Variants in PCDH19 observed in about 807,000 individuals in gnomAD.
PCDH19 encodes the protein protocadherin-19.
PCDH19 carries 6 observed loss-of-function variants against 46.2 expected under a neutral mutation model. The observed-to-expected ratio is 0.13, with a 90% CI of 0.07 to 0.26. The LOEUF (loss-of-function observed/expected upper bound fraction) is 0.26, where lower values mean the gene tolerates loss of function less well. PCDH19 is among the 10% of genes least tolerant of loss of function. The pLI is 1.00. For missense variants in PCDH19, 740 were observed against 972.3 expected, an observed-to-expected ratio of 0.76 and a Z score of 3.18; for synonymous variants, 481 against 415.7, an observed-to-expected ratio of 1.16 and a Z score of -1.91.
Position 100,346,266 on chromosome X carries a change from A to AT in PCDH19, c.2676-4192dup, listed in dbSNP as rs1193208497. Among the ~76,000 whole-genome samples the AT allele has an allele frequency of 1.6e-3, 183 of 112,639 alleles. 4 individuals carry two copies. Among genetic ancestry groups the AT allele is most frequent in the Non-Finnish European group, 1.8e-3 (95 of 53,335 alleles). ...ATATTAGAACTCTTTTCCAAAAGACATAAGACTCAGAATGGAAACAGGTTA... is the reference window on the plus strand; with the variant it reads ...ATATTAGAACTCTTTTCCAAAAGACATTAAGACTCAGAATGGAAACAGGTTA... On this transcript the variant is annotated intron_variant, in intron 4 of 5. Transcript: ENST00000373034.
intron 5 of PCDH19, among the ~76,000 whole-genome samples, chrX:100,304,841 G>C (rs7885179): frequency 0.24 from 26,791 of 111,003 alleles, 2,770 homozygotes; most frequent in Middle Eastern, 0.48. Context: ...TCAAAGACAA[G>C]GATTTTTGAA....
chrX:100,291,832 T>C lies in PCDH19; in HGVS notation c.*4445A>G, dbSNP rs1924432431. ...ATCTTCATAAAATAGACAGTGGTGA[T>C]TCTTTTTTGTCTTTTTTCTTTTTAC... On this transcript the variant is annotated 3_prime_UTR_variant, in exon 6 of 6. Coordinates refer to ENST00000373034, the MANE Select transcript of PCDH19 (RefSeq NM_001184880.2). 1 of 112,898 alleles carries C rather than the reference T, an allele frequency of 8.9e-6. No individual in the cohort carries two copies. The highest frequency in any genetic ancestry group is 3.2e-5 in the African/African-American group (1 of 30,865). 9.3% of individuals were successfully genotyped at this position (112,898 alleles called of 1,213,427 possible).
At chrX:100,368,457 G>C (rs1382412855) in intron 3 of PCDH19, among the ~76,000 whole-genome samples, 3 of 111,819 alleles carry the variant, frequency 2.7e-5, no homozygotes, top group Admixed American at 9.5e-5. Flanking sequence ...AGCAGAGAGA[G>C]CTTTCCTTTC....
chrX:100,314,089 G>A (rs1383947176), intron 5 of PCDH19, among the ~76,000 whole-genome samples: 1 of 111,555 alleles, frequency 9.0e-6, no homozygotes, highest in Non-Finnish European at 1.9e-5. Context: ...TTCCAATATG[G>A]GAGGTCAGCA....
At chrX:100,390,141 G>A (rs947200358) in intron 3 of PCDH19, among the ~76,000 whole-genome samples, 2 of 111,702 alleles carry the variant, frequency 1.8e-5, no homozygotes, top group African/African-American at 6.5e-5. Context: ...ACTACAAGGT[G>A]AGGTACTACT....
Position 100,406,653 on chromosome X carries a change from T to A in PCDH19, c.1945A>T (p.Lys649Ter). 1 of 1,211,578 alleles carries A rather than the reference T, an allele frequency of 8.3e-7. No individual in the cohort carries two copies. Residue 649 changes from lysine to a stop codon, truncating the protein, a stop_gained, in exon 1 of 6, where the codon AAG (lysine) becomes TAG (stop). Transcript: ENST00000373034. LOFTEE classifies it high-confidence loss of function. ...ELIVVAHDHG[K>*]TSLSASALVL... Reference sequence around the variant, plus strand: ...AGAGCAGAGGCAGAGAGAGATGTCTTGCCGTGGTCGTGAGCCACCACGATA... The same window carrying A: ...AGAGCAGAGGCAGAGAGAGATGTCTAGCCGTGGTCGTGAGCCACCACGATA...
Position 100,406,591 on chromosome X carries a change from T to C in PCDH19, c.2007A>G (p.Gln669=). 8.3e-7 allele frequency: 1 copy of C among 1,210,041 alleles called. No individual in the cohort carries two copies. Among genetic ancestry groups the C allele is most frequent in the Non-Finnish European group, 1.1e-6 (1 of 894,159 alleles). The change falls in exon 1 of 6, where the codon CAA becomes CAG. Residue 669 remains glutamine, a synonymous_variant. Coordinates refer to ENST00000373034, the MANE Select transcript of PCDH19 (RefSeq NM_001184880.2). ...ACAAGTTCACAGAGCCCATTGACTC[T>C]TGGGCATCGAGAGCAGGGGACAAGT... ...LIYLSPALDA[Q]ESMGSVNLSL...
chrX:100,333,168 AGGAAGGG>A (rs1925949101), intron 5 of PCDH19, among the ~76,000 whole-genome samples: 7 of 33,811 alleles, frequency 2.1e-4, no homozygotes, highest in Admixed American at 1.6e-3. Context: ...GAAGGAAGGA[AGGAAGGG>A]AGAGAGAGAG....
chrX:100,305,116 T>C (rs1018216296), intron 5 of PCDH19, among the ~76,000 whole-genome samples: 1 of 112,030 alleles, frequency 8.9e-6, no homozygotes, highest in African/African-American at 3.2e-5. Context: ...CCTAGGCACA[T>C]AGTCATCAGG....
intron 1 of PCDH19, among the ~76,000 whole-genome samples, chrX:100,403,941 G>A (rs1368885894): frequency 2.7e-5 from 3 of 112,041 alleles, no homozygotes; most frequent in Non-Finnish European, 5.6e-5. Flanking sequence ...CAAAACAATA[G>A]GGTTAATAAG....
intron 5 of PCDH19, among the ~76,000 whole-genome samples, chrX:100,329,585 C>G (rs1463744962): frequency 1.8e-5 from 2 of 111,958 alleles, no homozygotes; most frequent in African/African-American, 3.3e-5. Context: ...CGCAGCATGT[C>G]TCCAGAATAC....
chrX:100,392,287 A>G (rs1362798882), intron 3 of PCDH19, among the ~76,000 whole-genome samples: 1 of 112,355 alleles, frequency 8.9e-6, no homozygotes, highest in Non-Finnish European at 1.9e-5. Context: ...TTCTTTTTCT[A>G]TTTCTAAAGA....
At chrX:100,336,205 T>A (rs1310702176) in intron 5 of PCDH19, among the ~76,000 whole-genome samples, 12 of 112,209 alleles carry the variant, frequency 1.1e-4, no homozygotes, top group Non-Finnish European at 1.5e-4. Context: ...ATAGTCTCCA[T>A]TGAGAACTCC....
At chrX:100,340,420 T>C (rs1260402158) in intron 5 of PCDH19, among the ~76,000 whole-genome samples, 2 of 112,396 alleles carry the variant, frequency 1.8e-5, no homozygotes, top group African/African-American at 6.5e-5. Flanking sequence ...ACTAAAACCC[T>C]TTCTTGATAT....
chrX:100,368,497 TTA>T (rs765403201), intron 3 of PCDH19, among the ~76,000 whole-genome samples: 16 of 111,536 alleles, frequency 1.4e-4, no homozygotes, highest in Non-Finnish European at 2.8e-4. Context: ...GATGTGGATT[TTA>T]TGCTTGTTTT....
At chrX:100,380,731 G>A (rs983639936) in intron 3 of PCDH19, among the ~76,000 whole-genome samples, 13 of 112,047 alleles carry the variant, frequency 1.2e-4, no homozygotes, top group Admixed American at 4.7e-4. Flanking sequence ...GAAATGTTAT[G>A]CCACAGCCTG....
Position 100,402,562 on chromosome X carries a change from G to C in PCDH19, c.2578C>G (p.Gln860Glu), listed in dbSNP as rs200765277. 7.0e-5 allele frequency: 85 copies of C among 1,210,175 alleles called. No homozygotes were observed. Among genetic ancestry groups the C allele is most frequent in the Non-Finnish European group, 9.5e-5 (85 of 895,101 alleles). ...HHSFNSQGPQQPDLIINGVPL... is the reference protein window; with the variant it reads ...HHSFNSQGPQEPDLIINGVPL... Reference sequence around the variant, plus strand: ...ACACCGTTGATAATCAGGTCAGGCTGCTGGGGCCCCTGGCTGTTGAAAGAG... The same window carrying C: ...ACACCGTTGATAATCAGGTCAGGCTCCTGGGGCCCCTGGCTGTTGAAAGAG... The change falls in exon 3 of 6, where the codon CAG (glutamine) becomes GAG (glutamate). Residue 860 changes from glutamine (Q) to glutamate (E), a missense_variant. By Grantham distance (29) the Gln-to-Glu change is conservative (BLOSUM62 2). This residue lies in a region of PCDH19 where 416 missense variants were observed against 476.8 expected (regional missense o/e 0.87). Transcript: ENST00000373034.
At chrX:100,334,768 G>GTA (rs1290515545) in intron 5 of PCDH19, among the ~76,000 whole-genome samples, 2 of 108,909 alleles carry the variant, frequency 1.8e-5, no homozygotes, top group Middle Eastern at 4.7e-3. Flanking sequence ...GTGTGTGTGT[G>GTA]TGTGTGTGTA....
chrX:100,382,308 C>T (rs2147517621), intron 3 of PCDH19, among the ~76,000 whole-genome samples: 1 of 110,702 alleles, frequency 9.0e-6, no homozygotes, highest in Non-Finnish European at 1.9e-5. Flanking sequence ...AATTGGAGTC[C>T]CTGCCCTAGG....
Sources: allele counts gnomAD v4.1 joint callset (sites outside exome capture counted in the v4.1 genomes callset), GRCh38; gene constraint gnomAD v4.1.1; regional missense constraint gnomAD v4.1.1; transcripts MANE v1.5; gene names NCBI Gene and HGNC (gene_info 2026-07-23, HGNC 2026-07-21).